The following SMARCA4 variants were observed in gnomAD, a reference collection of about 807,000 sequenced individuals.
SMARCA4 encodes SWI/SNF-related matrix-associated actin-dependent regulator of chromatin subfamily A member 4.
In SMARCA4, 31 loss-of-function variants were observed where a neutral mutation model predicts 193.9. That is an observed-to-expected ratio of 0.16 (90% CI 0.12 to 0.22). The LOEUF is 0.22. Among genes scored for constraint, SMARCA4 ranks in the 10% least tolerant of loss-of-function variants. The probability of loss-of-function intolerance (pLI) is 1.00; values close to 1 mark genes in which losing one functional copy is unlikely to be tolerated. For missense variants in SMARCA4, 1,148 were observed against 2,296.0 expected (o/e 0.50, Z 10.22); for synonymous variants, 942 against 933.1 (o/e 1.01, Z -0.17).
rs1002850596 is a variant in SMARCA4 at position 10,985,935 on chromosome 19, G to A, written c.356-254G>A. ...GGCAGGCGGAAGCCGGGAGAGAGCC[G>A]TGATTTCATGCACAGGTTCTCAGCA... On this transcript the variant is annotated intron_variant, in intron 3 of 34. Transcript: ENST00000344626. The surrounding 1 kb of genome is among the most constrained non-coding windows in gnomAD (Gnocchi z 4.5). 7.2e-5 allele frequency among the ~76,000 whole-genome samples: 11 copies of A among 152,130 alleles called. No individual in the cohort carries two copies. Among genetic ancestry groups the A allele is most frequent in the Non-Finnish European group, 1.3e-4 (9 of 68,020 alleles).
intron 30 of SMARCA4, among the ~76,000 whole-genome samples, chr19:11,057,395 A>C (rs1342908826): frequency 1.3e-5 from 2 of 152,186 alleles, no homozygotes; most frequent in East Asian, 3.8e-4. Context: ...TGTGGTGTTC[A>C]GGGGGTTAGA....
chr19:11,019,438 GCC>G lies in SMARCA4; in HGVS notation c.2506-152_2506-151del. On this transcript the variant is annotated intron_variant, in intron 17 of 34. Coordinates refer to ENST00000344626, the MANE Select transcript of SMARCA4 (RefSeq NM_003072.5). The surrounding 1 kb of genome is among the most constrained non-coding windows in gnomAD (Gnocchi z 6.1). ...TCTGCGTGGTGAGGTCTGGGGACGC[GCC>G]AGCGGCCCTGCCAGCCCCTTTCCCC... 1 of 655,288 alleles carries G rather than the reference GCC, an allele frequency of 1.5e-6. No individual in the cohort carries two copies. Among genetic ancestry groups the G allele is most frequent in the African/African-American group, 1.8e-5 (1 of 56,416 alleles). 40.6% of individuals were successfully genotyped at this position (655,288 alleles called of 1,614,324 possible).
rs2146661146 is a variant in SMARCA4 at position 11,033,708 on chromosome 19, G to A, written c.3775-59G>A. The A allele has an allele frequency of 5.1e-6, 4 of 780,134 alleles. No homozygotes were observed. In the South Asian group the frequency reaches 5.4e-5, roughly 10 times the overall value. The allele number at this position is 780,134 out of a possible 1,614,324, so 48.3% of individuals were successfully genotyped here. ...TTGAAGTGGTTTTTTTTTCTAAACT[G>A]CTGGTGAAAGACGCCGGATTGACAG... is the stretch of plus-strand genomic sequence containing the variant. On this transcript the variant is annotated intron_variant, in intron 26 of 34. Coordinates refer to ENST00000344626, the MANE Select transcript of SMARCA4 (RefSeq NM_003072.5). This position sits in a 1 kb window ranked among gnomAD's most constrained non-coding sequence, Gnocchi z 9.8.
chr19:11,046,962 A>G (rs1294021751), intron 30 of SMARCA4, among the ~76,000 whole-genome samples: 2 of 151,936 alleles, frequency 1.3e-5, no homozygotes, highest in Non-Finnish European at 2.9e-5. Context: ...AAAAAAAAAA[A>G]AAAAAGCAAA....
At chr19:10,993,229 G>A (rs571768133) in intron 8 of SMARCA4, among the ~76,000 whole-genome samples, 1 of 152,002 alleles carries the variant, frequency 6.6e-6, no homozygotes, top group Non-Finnish European at 1.5e-5. Context: ...CAAGTGATCC[G>A]CCTGCCTTGG....
rs1350005935 is a variant in SMARCA4, at chr19:11,061,941, A to G, written c.*125A>G. On this transcript the variant is annotated 3_prime_UTR_variant, in exon 35 of 35. Coordinates refer to ENST00000344626, the MANE Select transcript of SMARCA4 (RefSeq NM_003072.5). ...GGAGTAAAACTGTATAAACAAAAGA[A>G]TCTTCCATATTTATACAGCAGAGAA... 6 of 915,146 alleles carry G rather than the reference A, an allele frequency of 6.6e-6. No individual in the cohort carries two copies. Among genetic ancestry groups the G allele is most frequent in the Admixed American group, 3.7e-5 (2 of 54,298 alleles). The allele number at this position is 915,146 out of a possible 1,614,324, so 56.7% of individuals were successfully genotyped here. A position where few individuals can be genotyped will look rare whatever the true frequency, so the allele number is the denominator to read the frequency against.
chr19:11,035,284 G>A (rs907107406), intron 29 of SMARCA4, 152 bp downstream of exon 29: 11 of 776,240 alleles, frequency 1.4e-5, no homozygotes, highest in South Asian at 4.5e-5. Flanking sequence ...AGAGCCTTCC[G>A]ATGTGGGCCA....
rs539356026 is a variant in SMARCA4, at chr19:10,986,776, G to T, written c.761-129G>T. The stretch of plus-strand genomic sequence containing the variant: ...CTAAATGCTGCTTCCCCAGCTCCCC[G>T]CTTCCCCTGGGGCCGCTGGTTAATA... On this transcript the variant is annotated intron_variant, in intron 4 of 34. Transcript: ENST00000344626. This position sits in a 1 kb window ranked among gnomAD's most constrained non-coding sequence, Gnocchi z 6.7. 4 of 1,217,370 alleles carry T rather than the reference G, an allele frequency of 3.3e-6. No individual in the cohort carries two copies. The highest frequency in any genetic ancestry group is 1.5e-5 in the African/African-American group (1 of 67,034). The allele number at this position is 1,217,370 out of a possible 1,614,324, so 75.4% of individuals were successfully genotyped here.
chr19:11,026,885 C>T (rs778176804), intron 23 of SMARCA4, among the ~76,000 whole-genome samples: 8 of 152,358 alleles, frequency 5.3e-5, no homozygotes, highest in Non-Finnish European at 1.2e-4. Context: ...GCTTACAGAT[C>T]CCACTCTGCC....
Position 11,034,332 on chromosome 19 carries a change from C to T in SMARCA4, c.3951+132C>T, listed in dbSNP as rs1420221563. ...AGCCAGGGACAGCTCACAGTGCAGC[C>T]CACTCCCACCTCCAGACTGACCCGT... is the stretch of plus-strand genomic sequence containing the variant. On this transcript the variant is annotated intron_variant, in intron 28 of 34. Transcript: ENST00000344626. The surrounding 1 kb of genome is among the most constrained non-coding windows in gnomAD (Gnocchi z 7.0). 12 of 747,378 alleles carry T rather than the reference C, an allele frequency of 1.6e-5. No individual in the cohort carries two copies. The highest frequency in any genetic ancestry group is 2.6e-5 in the Non-Finnish European group (11 of 420,480). 46.3% of individuals were successfully genotyped at this position (747,378 alleles called of 1,614,324 possible). A position where few individuals can be genotyped will look rare whatever the true frequency, so the allele number is the denominator to read the frequency against.
intron 11 of SMARCA4, among the ~76,000 whole-genome samples, chr19:10,999,374 T>C (rs1380965705): frequency 2.0e-5 from 3 of 151,892 alleles, no homozygotes; most frequent in African/African-American, 4.8e-5. Flanking sequence ...TTAAAACTTG[T>C]GGCTGGGCAT....
chr19:11,055,490 A>G (rs1396929841), intron 30 of SMARCA4, among the ~76,000 whole-genome samples: 1 of 149,134 alleles, frequency 6.7e-6, no homozygotes, highest in Non-Finnish European at 1.5e-5. Context: ...GCCCAGCCGC[A>G]CCTTGTTTTT....
Position 10,985,246 on chromosome 19 carries a change from C to G in SMARCA4, c.223-27C>G. ...GCCACCTCACGTTCCACATGCTGAC[C>G]CTGCCTTGCCATGGTCCCTCTCGCA... On this transcript the variant is annotated intron_variant, in intron 2 of 34. Coordinates refer to ENST00000344626, the MANE Select transcript of SMARCA4 (RefSeq NM_003072.5). This position sits in a 1 kb window ranked among gnomAD's most constrained non-coding sequence, Gnocchi z 4.5. 2 of 1,613,576 alleles carry G rather than the reference C, an allele frequency of 1.2e-6. No individual in the cohort carries two copies. The highest frequency in any genetic ancestry group is 1.7e-4 in the Middle Eastern group (1 of 6,058).
At chr19:10,989,575 T>C (rs1485074608) in intron 7 of SMARCA4, 132 bp downstream of exon 7, 56 of 1,007,400 alleles carry the variant, frequency 5.6e-5, no homozygotes, top group Non-Finnish European at 8.4e-5. Context: ...TGGCCATCCA[T>C]GGGCACTCAA....
chr19:11,009,313 C>T (rs2088585643), intron 14 of SMARCA4, among the ~76,000 whole-genome samples: 1 of 151,982 alleles, frequency 6.6e-6, no homozygotes, highest in Non-Finnish European at 1.5e-5. Context: ...AGCCACCGCA[C>T]CTGGCCAGAG....
chr19:11,032,954 G>A, intron 25 of SMARCA4: 2 of 411,706 alleles, frequency 4.9e-6, no homozygotes, highest in Non-Finnish European at 4.6e-6. Context: ...GACTGTGTAG[G>A]TCCACGCTGT....
At chr19:10,964,752 G>A (rs372817777) in intron 1 of SMARCA4, among the ~76,000 whole-genome samples, 1 of 152,116 alleles carries the variant, frequency 6.6e-6, no homozygotes, top group African/African-American at 2.4e-5. Flanking sequence ...GGAGTGGATG[G>A]GACTAAGGAC....
At chr19:10,980,368 C>T (rs1478147232) in intron 1 of SMARCA4, among the ~76,000 whole-genome samples, 2 of 152,110 alleles carry the variant, frequency 1.3e-5, no homozygotes, top group Non-Finnish European at 2.9e-5. Context: ...CTTCAGTGTA[C>T]TCTGTTTTTC....
chr19:11,047,958 T>TTTA (rs150085822), intron 30 of SMARCA4, among the ~76,000 whole-genome samples: 9 of 152,044 alleles, frequency 5.9e-5, no homozygotes, highest in Non-Finnish European at 8.8e-5. Flanking sequence ...TACATTCTTT[T>TTTA]TTATTATTAT....
Sources: allele counts gnomAD v4.1 joint callset (sites outside exome capture counted in the v4.1 genomes callset), GRCh38; gene constraint gnomAD v4.1.1; non-coding constraint Gnocchi (gnomAD v3.1); transcripts MANE v1.5; gene names NCBI Gene and HGNC (gene_info 2026-07-23, HGNC 2026-07-21).